The following UGT2A3 variants were observed in gnomAD, a reference collection of about 807,000 sequenced individuals.
UGT2A3 encodes the protein UDP glucuronosyltransferase family 2 member A3.
A neutral mutation model predicts 44.1 loss-of-function variants in UGT2A3; 55 were observed. That is an observed-to-expected ratio of 1.25 (90% confidence interval 1.00 to 1.56). The LOEUF (loss-of-function observed/expected upper bound fraction) is 1.56. UGT2A3 is among the 40% of genes most tolerant of loss of function. The probability of loss-of-function intolerance (pLI) is 0.00; values close to 1 mark genes in which losing one functional copy is unlikely to be tolerated. For missense variants in UGT2A3, 733 were observed against 621.6 expected (o/e 1.18, Z -1.91); for synonymous variants, 243 against 215.1 (o/e 1.13, Z -1.13).
chr4:68,936,078 T>C (rs1459261033), intron 2 of UGT2A3, among the ~76,000 whole-genome samples: 1 of 152,054 alleles, frequency 6.6e-6, no homozygotes, highest in Non-Finnish European at 1.5e-5. Context: ...AGACCAAATA[T>C]ATGTTTGATT....
At chr4:68,950,134 AT>A (rs1718527179) in intron 1 of UGT2A3, among the ~76,000 whole-genome samples, 1 of 151,878 alleles carries the variant, frequency 6.6e-6, no homozygotes, top group Non-Finnish European at 1.5e-5. Context: ...AGAGATTTGT[AT>A]TGTTTACCTA....
chr4:68,933,071 T>G (rs1225169018), intron 2 of UGT2A3, among the ~76,000 whole-genome samples: 2 of 151,946 alleles, frequency 1.3e-5, no homozygotes, highest in Non-Finnish European at 2.9e-5. Context: ...ACCAAAATAA[T>G]TTGCTAAAAT....
Position 68,951,223 on chromosome 4 carries a change from G to A in UGT2A3, c.538C>T (p.Arg180Ter), listed in dbSNP as rs570452785. Residue 180 changes from arginine (R) to a stop codon, truncating the protein, a stop_gained, in exon 1 of 6, where the codon CGA (arginine) becomes TGA (stop). Transcript: ENST00000251566. LOFTEE classifies it high-confidence loss of function. Reference protein sequence around the residue: ...LRISVGGNMERSCGKLPAPLS... With the variant: ...LRISVGGNME ...GGAGCTGGAAGTTTCCCACAGCTTCGCTCCATATTGCCTCCTACAGAAATT... is the reference window on the plus strand; with the variant it reads ...GGAGCTGGAAGTTTCCCACAGCTTCACTCCATATTGCCTCCTACAGAAATT... The A allele has an allele frequency of 1.9e-5, 31 of 1,611,696 alleles. No homozygotes were observed. Among genetic ancestry groups the A allele is most frequent in the African/African-American group, 9.4e-5 (7 of 74,860 alleles).
chr4:68,947,941 A>G (rs926958051), intron 1 of UGT2A3, among the ~76,000 whole-genome samples: 1 of 151,870 alleles, frequency 6.6e-6, no homozygotes, highest in Non-Finnish European at 1.5e-5. Flanking sequence ...ACACAGGCAA[A>G]GTAGATTTAA....
chr4:68,936,888 C>CAA (rs56737078), intron 2 of UGT2A3, among the ~76,000 whole-genome samples: 25,041 of 46,140 alleles, frequency 0.54, 8,018 homozygotes, highest in Non-Finnish European at 0.66. Flanking sequence ...AAATGGAAAG[C>CAA]AAAAAAAAAA....
rs1718595980 is a variant in UGT2A3 at position 68,951,588 on chromosome 4, T to A, written c.173A>T (p.His58Leu). ...VRGHEVTVLTHSKPSLIDYRK... is the reference protein window; with the variant it reads ...VRGHEVTVLTLSKPSLIDYRK... ...GTAGTCAATTAACGAAGGCTTTGAG[T>A]GAGTCAATACTGTTACCTCATGGCC... Residue 58 changes from histidine to leucine, a missense_variant, in exon 1 of 6, where the codon CAC becomes CTC. Coordinates refer to ENST00000251566, the MANE Select transcript of UGT2A3 (RefSeq NM_024743.4). 4 of 1,613,014 alleles carry A rather than the reference T, an allele frequency of 2.5e-6. No homozygotes were observed. The highest frequency in any genetic ancestry group is 2.7e-5 in the African/African-American group (2 of 74,958).
chr4:68,947,477 T>C (rs961648100), intron 1 of UGT2A3, among the ~76,000 whole-genome samples: 15 of 151,840 alleles, frequency 9.9e-5, no homozygotes, highest in African/African-American at 2.9e-4. Context: ...CTTCACATGA[T>C]GTCTTCAATC....
At position 68,932,873 on chromosome 4, in the gene UGT2A3, T is replaced by C; in HGVS notation, c.865-114A>G. 3 of 1,075,828 alleles carry C rather than the reference T, an allele frequency of 2.8e-6. No individual in the cohort carries two copies. In the East Asian group the frequency reaches 7.7e-5, roughly 28 times the overall value. The allele number at this position is 1,075,828 out of a possible 1,614,324, so 66.6% of individuals were successfully genotyped here. Reference sequence around the variant, plus strand: ...AGAAATTATTAATGTGTAGTTATATTCTGTCCCTATATGCTGACACACAGA... The same window carrying C: ...AGAAATTATTAATGTGTAGTTATATCCTGTCCCTATATGCTGACACACAGA... On this transcript the variant is annotated intron_variant, in intron 2 of 5. Coordinates refer to ENST00000251566, the MANE Select transcript of UGT2A3 (RefSeq NM_024743.4).
chr4:68,949,184 C>A (rs1313565731), intron 1 of UGT2A3, among the ~76,000 whole-genome samples: 1 of 151,828 alleles, frequency 6.6e-6, no homozygotes, highest in Non-Finnish European at 1.5e-5. Context: ...CAAATTTCAA[C>A]ACAGGATTTT....
rs1047575283 is a variant in UGT2A3 at position 68,928,949 on chromosome 4, G to A, written c.*864C>T. The stretch of plus-strand genomic sequence containing the variant: ...AGTAAATTATACTTTTGATTATAGA[G>A]ATAAGAATTATGAGTATTCATCATT... On this transcript the variant is annotated 3_prime_UTR_variant, in exon 6 of 6. Coordinates refer to ENST00000251566, the MANE Select transcript of UGT2A3 (RefSeq NM_024743.4). 6.6e-6 allele frequency: 1 copy of A among 151,894 alleles called. No individual in the cohort carries two copies. The allele number at this position is 151,894 out of a possible 1,614,324, so 9.4% of individuals were successfully genotyped here.
At chr4:68,931,073 T>A in intron 4 of UGT2A3, 82 bp downstream of exon 4, 4 of 1,133,128 alleles carry the variant, frequency 3.5e-6, no homozygotes, top group South Asian at 1.5e-5. Context: ...TAATTTTAGA[T>A]CTTTGCTGAA....
intron 2 of UGT2A3, among the ~76,000 whole-genome samples, chr4:68,939,314 G>A (rs190045548): frequency 6.6e-5 from 10 of 152,244 alleles, no homozygotes; most frequent in African/African-American, 2.4e-4. Context: ...CAAGGCTGCA[G>A]TAACCAAAAC....
rs369315081 is a variant in UGT2A3 at position 68,930,725 on chromosome 4, C to A, written c.1125G>T (p.Met375Ile). The A allele has an allele frequency of 1.2e-5, 20 of 1,611,448 alleles. No homozygotes were observed. Among genetic ancestry groups the A allele is most frequent in the Non-Finnish European group, 1.7e-5 (20 of 1,178,768 alleles). Reference protein sequence around the residue: ...KTKAFITHGGMNGIYEAIYHG... With the variant: ...KTKAFITHGGINGIYEAIYHG... Reference sequence around the variant, plus strand: ...GGTAAATAGCTTCATAGATCCCATTCATTCCACCATGAGTGATAAAAGCTT... The same window carrying A: ...GGTAAATAGCTTCATAGATCCCATTAATTCCACCATGAGTGATAAAAGCTT... The change falls in exon 5 of 6, where the codon ATG (methionine) becomes ATT (isoleucine). Residue 375 changes from methionine to isoleucine, a missense_variant. Met to Ile is a conservative substitution (Grantham distance 10, BLOSUM62 1). Coordinates refer to ENST00000251566, the MANE Select transcript of UGT2A3 (RefSeq NM_024743.4).
intron 1 of UGT2A3, among the ~76,000 whole-genome samples, chr4:68,947,456 C>T (rs1486307956): frequency 6.6e-6 from 1 of 151,708 alleles, no homozygotes; most frequent in Non-Finnish European, 1.5e-5. Context: ...CCACCCCATC[C>T]CCAGTTAATT....
chr4:68,948,430 C>CTTTTTCTTCTTT (rs772753904), intron 1 of UGT2A3, among the ~76,000 whole-genome samples: 2 of 69,712 alleles, frequency 2.9e-5, no homozygotes, highest in Non-Finnish European at 7.3e-5. Flanking sequence ...TTTTTCTTTT[C>CTTTTTCTTCTTT]TTTTTTTTCT....
intron 1 of UGT2A3, among the ~76,000 whole-genome samples, chr4:68,948,562 C>A (rs1056053076): frequency 6.6e-6 from 1 of 151,066 alleles, no homozygotes; most frequent in Non-Finnish European, 1.5e-5. Flanking sequence ...GTTCTCCCAC[C>A]TGAGCCTCCC....
At chr4:68,932,072 A>G (rs1717757396) in intron 3 of UGT2A3, among the ~76,000 whole-genome samples, 1 of 151,968 alleles carries the variant, frequency 6.6e-6, no homozygotes. Context: ...GTAATAATAA[A>G]GTTAAAATTA....
rs1309278343 is a variant in UGT2A3, at chr4:68,928,775, T to C, written c.*1038A>G. 1 of 151,814 alleles carries C rather than the reference T, an allele frequency of 6.6e-6. No homozygotes were observed. Among genetic ancestry groups the C allele is most frequent in the Admixed American group, 6.6e-5 (1 of 15,230 alleles). The allele number at this position is 151,814 out of a possible 1,614,324, so 9.4% of individuals were successfully genotyped here. A position where few individuals can be genotyped will look rare whatever the true frequency, so the allele number is the denominator to read the frequency against. On this transcript the variant is annotated 3_prime_UTR_variant, in exon 6 of 6. Coordinates refer to ENST00000251566, the MANE Select transcript of UGT2A3 (RefSeq NM_024743.4). ...GCTTTACATATCAAAATATTTAATATATAATACTATTTGTTATGCAGGTTT... is the reference window on the plus strand; with the variant it reads ...GCTTTACATATCAAAATATTTAATACATAATACTATTTGTTATGCAGGTTT...
At chr4:68,942,439 G>GAT (rs1313044806) in intron 2 of UGT2A3, among the ~76,000 whole-genome samples, 2 of 138,158 alleles carry the variant, frequency 1.4e-5, no homozygotes, top group Non-Finnish European at 3.1e-5. Context: ...CATTCCATTA[G>GAT]ATATATATAA....
Sources: gnomAD v4.1 joint callset for allele counts (sites outside exome capture counted in the v4.1 genomes callset) on GRCh38, gnomAD v4.1.1 for gene constraint, MANE v1.5 for transcripts, NCBI Gene and HGNC (gene_info 2026-07-23, HGNC 2026-07-21) for gene names.